The following PTPRD variants were observed in gnomAD, a reference collection of about 807,000 sequenced individuals.
PTPRD encodes the protein protein tyrosine phosphatase receptor type D.
Under a neutral mutation model 214.5 loss-of-function variants are expected in PTPRD, and 34 were observed. The ratio of observed to expected loss-of-function variants is 0.16; its 90% CI spans 0.12 to 0.21. The LOEUF is 0.21. Ranked by LOEUF, PTPRD falls within the 10% of genes least tolerant of loss-of-function variation. The pLI is 1.00. For missense variants in PTPRD, 2,545 were observed against 2,398.7 expected (o/e 1.06, Z -1.27); for synonymous variants, 1,128 against 845.7 (o/e 1.33, Z -5.79).
At chr9:10,314,671 G>A (rs895525154) in intron 3 of PTPRD, among the ~76,000 whole-genome samples, 1 of 151,772 alleles carries the variant, frequency 6.6e-6, no homozygotes, top group African/African-American at 2.4e-5. Context: ...GATAATAGAT[G>A]ATACAGATAA....
intron 5 of PTPRD, among the ~76,000 whole-genome samples, chr9:9,836,468 T>C (rs2056791624): frequency 6.6e-6 from 1 of 152,140 alleles, no homozygotes; most frequent in Admixed American, 6.6e-5. Flanking sequence ...AACTTTCTCT[T>C]ACCAAATCTC....
chr9:8,699,168 T>C (rs2098011006), intron 12 of PTPRD, among the ~76,000 whole-genome samples: 1 of 152,334 alleles, frequency 6.6e-6, no homozygotes, highest in South Asian at 2.1e-4. Flanking sequence ...GAAATTCCGA[T>C]GAAGTGTATA....
rs58081665 is a variant in PTPRD, at chr9:9,748,983, C to T, written c.-325-14412G>A. Among the ~76,000 whole-genome samples the T allele has an allele frequency of 2.1e-3, 326 of 152,202 alleles. 2 individuals carry two copies. Among genetic ancestry groups the T allele is most frequent in the African/African-American group, 7.5e-3 (313 of 41,508 alleles). On this transcript the variant is annotated intron_variant, in intron 6 of 45. Coordinates refer to ENST00000381196, the MANE Select transcript of PTPRD (RefSeq NM_002839.4). ...GGAAAAATCAATAGTGTGGCAAAACCCAATAGGCTAACAGAACCAATACCT... is the reference window on the plus strand; with the variant it reads ...GGAAAAATCAATAGTGTGGCAAAACTCAATAGGCTAACAGAACCAATACCT...
chr9:9,494,781 A>G (rs2096092722), intron 8 of PTPRD, among the ~76,000 whole-genome samples: 1 of 152,236 alleles, frequency 6.6e-6, no homozygotes, highest in Non-Finnish European at 1.5e-5. Flanking sequence ...CAATATCCCA[A>G]ATAAGTTTCT....
At chr9:9,916,950 T>C (rs2081015037) in intron 5 of PTPRD, among the ~76,000 whole-genome samples, 1 of 151,706 alleles carries the variant, frequency 6.6e-6, no homozygotes, top group Non-Finnish European at 1.5e-5. Flanking sequence ...TTAAACAACA[T>C]GTTCTCTAAT....
chr9:10,545,930 A>G (rs1351563385), intron 2 of PTPRD, among the ~76,000 whole-genome samples: 1 of 152,168 alleles, frequency 6.6e-6, no homozygotes, highest in African/African-American at 2.4e-5. Context: ...AGGCTGGCAT[A>G]TTATAATAGA....
chr9:10,136,265 G>A (rs940127274), intron 3 of PTPRD, among the ~76,000 whole-genome samples: 2 of 152,026 alleles, frequency 1.3e-5, no homozygotes, highest in African/African-American at 4.8e-5. Context: ...GTAAGATTTA[G>A]ACAGCTGCAC....
chr9:8,779,438 A>T (rs182212832), intron 11 of PTPRD, among the ~76,000 whole-genome samples: 143 of 152,212 alleles, frequency 9.4e-4, no homozygotes, highest in African/African-American at 3.3e-3. Context: ...GGCTTCAATA[A>T]AACCTAATGT....
intron 2 of PTPRD, among the ~76,000 whole-genome samples, chr9:10,510,165 T>C (rs1178404984): frequency 6.6e-6 from 1 of 152,148 alleles, no homozygotes; most frequent in Admixed American, 6.5e-5. Context: ...TGAAGTCAAA[T>C]GTCAATTTGC....
At chr9:9,594,443 T>G (rs1195389165) in intron 7 of PTPRD, among the ~76,000 whole-genome samples, 1 of 152,072 alleles carries the variant, frequency 6.6e-6, no homozygotes, top group East Asian at 1.9e-4. Context: ...TTGAGTTGAT[T>G]TTTGCATAAG....
chr9:8,675,041 TA>T (rs2097372147), intron 12 of PTPRD, among the ~76,000 whole-genome samples: 1 of 152,218 alleles, frequency 6.6e-6, no homozygotes, highest in Non-Finnish European at 1.5e-5. Flanking sequence ...CTGTGGTCAG[TA>T]AATACATGTC....
intron 3 of PTPRD, among the ~76,000 whole-genome samples, chr9:10,153,436 T>G (rs2099074092): frequency 6.6e-6 from 1 of 151,246 alleles, no homozygotes; most frequent in Middle Eastern, 3.2e-3. Context: ...TAAATGATTT[T>G]ATCTTTCCAG....
At chr9:8,533,151 T>C (rs1336818588) in intron 14 of PTPRD, among the ~76,000 whole-genome samples, 4 of 152,082 alleles carry the variant, frequency 2.6e-5, no homozygotes. Flanking sequence ...TTACTTTCAC[T>C]CCACTTTCAC....
At chr9:9,509,794 C>G (rs892797217) in intron 8 of PTPRD, among the ~76,000 whole-genome samples, 137 of 81,900 alleles carry the variant, frequency 1.7e-3, no homozygotes, top group African/African-American at 7.0e-3. Flanking sequence ...TTGAAACTAC[C>G]TTTTTATTTA....
chr9:10,012,736 T>C (rs2096627303), intron 4 of PTPRD, among the ~76,000 whole-genome samples: 2 of 151,822 alleles, frequency 1.3e-5, no homozygotes, highest in Non-Finnish European at 2.9e-5. Flanking sequence ...GTGTTAAATA[T>C]AGAAAAAAGG....
chr9:10,310,837 G>C (rs1372320437), intron 3 of PTPRD, among the ~76,000 whole-genome samples: 1 of 152,064 alleles, frequency 6.6e-6, no homozygotes, highest in African/African-American at 2.4e-5. Context: ...AGGCTGCAAA[G>C]ATGATTTTTT....
intron 8 of PTPRD, among the ~76,000 whole-genome samples, chr9:9,528,233 G>C (rs1031648259): frequency 1.3e-5 from 2 of 152,150 alleles, no homozygotes; most frequent in African/African-American, 4.8e-5. Context: ...GTGTATTCAT[G>C]AGAGAAAACT....
At chr9:9,241,796 C>T (rs2099970493) in intron 9 of PTPRD, among the ~76,000 whole-genome samples, 1 of 151,196 alleles carries the variant, frequency 6.6e-6, no homozygotes, top group Non-Finnish European at 1.5e-5. Context: ...GACTCTTTAT[C>T]CAATTTGCCA....
rs564888662 is a variant in PTPRD at position 10,073,268 on chromosome 9, A to C, written c.-544-39478T>G. ...GCTGTAACATAAGACTCTGTATTAC[A>C]AATTCAGGAAACAATCTCATTAAAG... On this transcript the variant is annotated intron_variant, in intron 3 of 45. Coordinates refer to ENST00000381196, the MANE Select transcript of PTPRD (RefSeq NM_002839.4). Among the ~76,000 whole-genome samples, 82 of 152,208 alleles carry C rather than the reference A, an allele frequency of 5.4e-4. 1 individual carries two copies. Among genetic ancestry groups the C allele is most frequent in the African/African-American group, 1.9e-3 (79 of 41,558 alleles).
Sources: gnomAD v4.1 joint callset for allele counts (sites outside exome capture counted in the v4.1 genomes callset) on GRCh38, gnomAD v4.1.1 for gene constraint, MANE v1.5 for transcripts, NCBI Gene and HGNC (gene_info 2026-07-23, HGNC 2026-07-21) for gene names.